TNIK: variants seen among roughly 807,000 people sequenced by gnomAD.
TNIK encodes the protein TRAF2 and NCK-interacting protein kinase.
TNIK carries 49 observed loss-of-function variants against 191.3 expected under a neutral mutation model. The observed-to-expected ratio is 0.26, with a 90% CI of 0.20 to 0.32. The LOEUF (loss-of-function observed/expected upper bound fraction) is 0.32. Among genes scored for constraint, TNIK ranks in the 10% least tolerant of loss-of-function variants. The probability of loss-of-function intolerance (pLI) is 1.00; values close to 1 mark genes in which losing one functional copy is unlikely to be tolerated. For synonymous variants in TNIK, 594 were observed against 600.9 expected (o/e 0.99, Z 0.17); for missense variants, 1,155 against 1,702.3 (o/e 0.68, Z 5.66).
chr3:171,358,606 A>T (rs1405674148), intron 2 of TNIK, among the ~76,000 whole-genome samples: 1 of 152,228 alleles, frequency 6.6e-6, no homozygotes, highest in Non-Finnish European at 1.5e-5. Context: ...TAGGATTCAT[A>T]CAAAATGCTT....
chr3:171,234,477 A>C (rs1231767132), intron 2 of TNIK, among the ~76,000 whole-genome samples: 1 of 152,140 alleles, frequency 6.6e-6, no homozygotes, highest in Non-Finnish European at 1.5e-5. Flanking sequence ...CTCCATCTCA[A>C]CACCACTCAC....
At chr3:171,371,000 T>C (rs1437695348) in intron 1 of TNIK, among the ~76,000 whole-genome samples, 2 of 152,022 alleles carry the variant, frequency 1.3e-5, no homozygotes, top group Non-Finnish European at 2.9e-5. Context: ...CAGAGAGACC[T>C]GGGTTAAATA....
At chr3:171,384,609 T>C (rs568436890) in intron 1 of TNIK, among the ~76,000 whole-genome samples, 1 of 152,358 alleles carries the variant, frequency 6.6e-6, no homozygotes, top group South Asian at 2.1e-4. Context: ...ATAAAGACTC[T>C]CACTAAATGA....
intron 2 of TNIK, among the ~76,000 whole-genome samples, chr3:171,283,574 A>T (rs1750710302): frequency 6.6e-6 from 1 of 152,178 alleles, no homozygotes. Flanking sequence ...AGCCGTTCCA[A>T]CCTGGCTCCT....
intron 1 of TNIK, among the ~76,000 whole-genome samples, chr3:171,375,716 T>C (rs766000967): frequency 7.2e-5 from 11 of 152,208 alleles, no homozygotes; most frequent in Admixed American, 5.2e-4. Flanking sequence ...ATCCCAAAGA[T>C]TGAAAAAGGC....
At chr3:171,208,504 A>C (rs1377135486) in intron 4 of TNIK, among the ~76,000 whole-genome samples, 1 of 152,208 alleles carries the variant, frequency 6.6e-6, no homozygotes, top group Non-Finnish European at 1.5e-5. Context: ...AAAACATACT[A>C]TATCTAATTA....
intron 1 of TNIK, among the ~76,000 whole-genome samples, chr3:171,447,924 A>G (rs1249498524): frequency 6.6e-6 from 1 of 152,244 alleles, no homozygotes; most frequent in Non-Finnish European, 1.5e-5. Context: ...ATGATTAGAA[A>G]GTTGAGCACT....
At chr3:171,252,194 T>C (rs1266332097) in intron 2 of TNIK, among the ~76,000 whole-genome samples, 2 of 152,116 alleles carry the variant, frequency 1.3e-5, no homozygotes, top group East Asian at 3.8e-4. Context: ...AGTTTGTGGG[T>C]GAGAAAATGC....
chr3:171,195,122 G>A (rs1247485250), intron 4 of TNIK, among the ~76,000 whole-genome samples: 2 of 152,100 alleles, frequency 1.3e-5, no homozygotes, highest in African/African-American at 4.8e-5. Context: ...ATTAACTTCA[G>A]CGAATGTTCC....
At chr3:171,392,778 C>CAAAAAAA (rs60306915) in intron 1 of TNIK, among the ~76,000 whole-genome samples, 2 of 95,254 alleles carry the variant, frequency 2.1e-5, no homozygotes, top group African/African-American at 8.0e-5. Flanking sequence ...GATTCTGTCT[C>CAAAAAAA]AAAAAAAAAA....
intron 2 of TNIK, among the ~76,000 whole-genome samples, chr3:171,245,920 A>G (rs997367237): frequency 7.2e-5 from 11 of 152,104 alleles, no homozygotes; most frequent in African/African-American, 1.2e-4. Flanking sequence ...AAGAGAGAGA[A>G]ACAGACAGAC....
chr3:171,253,791 C>T (rs972844137), intron 2 of TNIK, among the ~76,000 whole-genome samples: 2 of 152,118 alleles, frequency 1.3e-5, no homozygotes, highest in Non-Finnish European at 2.9e-5. Context: ...CCTTAAAGAG[C>T]AAAACTCACA....
intron 11 of TNIK, among the ~76,000 whole-genome samples, 196 bp downstream of exon 11, chr3:171,161,074 G>A (rs1733922764): frequency 6.6e-6 from 1 of 152,194 alleles, no homozygotes; most frequent in Non-Finnish European, 1.5e-5. Context: ...TAAAGAATAT[G>A]CTGATTTCCA....
At chr3:171,157,706 G>A in intron 11 of TNIK, 42 bp from the exon 12 acceptor site, 1 of 1,545,060 alleles carries the variant, frequency 6.5e-7, no homozygotes, top group South Asian at 1.2e-5. Context: ...CGTGGGGCAG[G>A]GGCCATGGCT....
At chr3:171,096,397 T>C (rs16855801) in intron 22 of TNIK, among the ~76,000 whole-genome samples, 16,075 of 152,156 alleles carry the variant, frequency 0.11, 1,004 homozygotes, top group Middle Eastern at 0.16. Context: ...AGTAGCTCCC[T>C]GTCAACCACA....
chr3:171,357,008 G>A (rs1293377378), intron 2 of TNIK, among the ~76,000 whole-genome samples: 1 of 152,150 alleles, frequency 6.6e-6, no homozygotes, highest in Admixed American at 6.5e-5. Context: ...CTATTTAAAA[G>A]TTCAGATGAG....
intron 1 of TNIK, among the ~76,000 whole-genome samples, chr3:171,452,524 C>T (rs752990566): frequency 1.8e-4 from 28 of 152,070 alleles, no homozygotes; most frequent in Non-Finnish European, 3.1e-4. Flanking sequence ...TGGGCTCTAA[C>T]TCCCAGCTGT....
chr3:171,184,285 G>T (rs889998765), intron 7 of TNIK, among the ~76,000 whole-genome samples: 1 of 152,132 alleles, frequency 6.6e-6, no homozygotes, highest in African/African-American at 2.4e-5. Flanking sequence ...GTGAGTTAGG[G>T]TCACTGAAGT....
intron 1 of TNIK, among the ~76,000 whole-genome samples, chr3:171,376,071 C>A (rs1240801096): frequency 6.6e-6 from 1 of 152,118 alleles, no homozygotes; most frequent in Non-Finnish European, 1.5e-5. Context: ...TTAAGAAGAC[C>A]AAAATGTTAT....
Sources: allele counts gnomAD v4.1 joint callset (sites outside exome capture counted in the v4.1 genomes callset), GRCh38; gene constraint gnomAD v4.1.1; transcripts MANE v1.5; gene names NCBI Gene and HGNC (gene_info 2026-07-23, HGNC 2026-07-21).